The following MBOAT2 variants were observed in gnomAD, a reference collection of about 807,000 sequenced individuals.
MBOAT2 encodes membrane bound glycerophospholipid O-acyltransferase 2.
MBOAT2 carries 28 observed loss-of-function variants against 63.4 expected under a neutral mutation model. That is an observed-to-expected ratio of 0.44 (90% CI 0.33 to 0.61). The LOEUF is 0.61. Ranked by LOEUF, MBOAT2 falls within the 20% of genes least tolerant of loss-of-function variation. The pLI, the probability that MBOAT2 is intolerant of heterozygous loss-of-function variation, is 0.03. For missense variants in MBOAT2, 470 were observed against 605.8 expected (o/e 0.78, Z 2.35); for synonymous variants, 211 against 215.6 (o/e 0.98, Z 0.19).
intron 12 of MBOAT2, among the ~76,000 whole-genome samples, chr2:8,860,388 T>C (rs1397421605): frequency 2.0e-5 from 3 of 152,208 alleles, no homozygotes; most frequent in Admixed American, 6.5e-5. Context: ...GTTACCTGGC[T>C]GATATTTCTC....
chr2:8,937,522 A>T (rs576018650), intron 3 of MBOAT2, among the ~76,000 whole-genome samples: 40 of 152,354 alleles, frequency 2.6e-4, no homozygotes, highest in African/African-American at 9.6e-4. Flanking sequence ...GGAAAGGAAC[A>T]CAATTCCACA....
intron 1 of MBOAT2, among the ~76,000 whole-genome samples, chr2:8,998,918 C>T (rs1046138130): frequency 1.3e-5 from 2 of 152,146 alleles, no homozygotes; most frequent in Non-Finnish European, 2.9e-5. Flanking sequence ...CACACACACC[C>T]GTGAAGCTAA....
At chr2:8,972,944 T>C (rs1360866844) in intron 1 of MBOAT2, among the ~76,000 whole-genome samples, 1 of 152,186 alleles carries the variant, frequency 6.6e-6, no homozygotes, top group African/African-American at 2.4e-5. Context: ...GTTCAACCAT[T>C]GTGGAAGACA....
chr2:8,947,637 C>T (rs1262403623), intron 2 of MBOAT2, among the ~76,000 whole-genome samples: 1 of 152,168 alleles, frequency 6.6e-6, no homozygotes, highest in African/African-American at 2.4e-5. Flanking sequence ...ATCGATTCTG[C>T]CTGTACTCTG....
rs144793154 is a variant in MBOAT2, at chr2:8,932,551, C to A, written c.299+10636G>T. ...GTTTCTCCAACTTAAATAAAAAATT[C>A]TTTACAAGAATCTCACTAAATAAAG... On this transcript the variant is annotated intron_variant, in intron 3 of 12. Transcript: ENST00000305997. 3.6e-3 allele frequency among the ~76,000 whole-genome samples: 546 copies of A among 152,198 alleles called. 8 individuals carry two copies. The highest frequency in any genetic ancestry group is 0.02 in the South Asian group (97 of 4,828).
At chr2:8,927,122 T>C (rs2103189767) in intron 3 of MBOAT2, among the ~76,000 whole-genome samples, 2 of 152,146 alleles carry the variant, frequency 1.3e-5, no homozygotes, top group East Asian at 3.9e-4. Flanking sequence ...TGGTGTTAGG[T>C]ATGCTGGGGT....
At position 9,003,434 on chromosome 2, in the gene MBOAT2, G is replaced by T; in HGVS notation, c.75+106C>A. On this transcript the variant is annotated intron_variant, in intron 1 of 12. Coordinates refer to ENST00000305997, the MANE Select transcript of MBOAT2 (RefSeq NM_138799.4). The surrounding 1 kb of genome is among the most constrained non-coding windows in gnomAD (Gnocchi z 5.4). Reference sequence around the variant, plus strand: ...AGCGGCGGGTAGGGGGGCACCGGGCGCCCGGCCCCAGCCCCCACCCTCCTC... The same window carrying T: ...AGCGGCGGGTAGGGGGGCACCGGGCTCCCGGCCCCAGCCCCCACCCTCCTC... 1 of 643,186 alleles carries T rather than the reference G, an allele frequency of 1.6e-6. No individual in the cohort carries two copies. The highest frequency in any genetic ancestry group is 2.1e-6 in the Non-Finnish European group (1 of 481,188). 39.8% of individuals were successfully genotyped at this position (643,186 alleles called of 1,614,324 possible).
intron 3 of MBOAT2, among the ~76,000 whole-genome samples, chr2:8,917,587 ACTGCTGG>A (rs1666275073): frequency 6.6e-6 from 1 of 152,218 alleles, no homozygotes; most frequent in African/African-American, 2.4e-5. Flanking sequence ...GAGAACACCA[ACTGCTGG>A]TGGGAACAGA....
At chr2:8,902,445 C>A (rs769623287) in intron 4 of MBOAT2, among the ~76,000 whole-genome samples, 4 of 152,104 alleles carry the variant, frequency 2.6e-5, no homozygotes, top group Middle Eastern at 3.2e-3. Flanking sequence ...ATGGTGTGTC[C>A]GGAGTTTGTT....
intron 2 of MBOAT2, among the ~76,000 whole-genome samples, chr2:8,949,273 A>G (rs1448432081): frequency 6.6e-6 from 1 of 152,122 alleles, no homozygotes; most frequent in African/African-American, 2.4e-5. Context: ...ATTTTCTCCC[A>G]TTCTGTAGGT....
rs1356212852 is a variant in MBOAT2, at chr2:8,854,436, C to G, written c.*4243G>C. 1 of 152,152 alleles carries G rather than the reference C, an allele frequency of 6.6e-6. No homozygotes were observed. The highest frequency in any genetic ancestry group is 2.4e-5 in the African/African-American group (1 of 41,434). The allele number at this position is 152,152 out of a possible 1,614,324, so 9.4% of individuals were successfully genotyped here. On this transcript the variant is annotated 3_prime_UTR_variant, in exon 13 of 13. Transcript: ENST00000305997. ...CACAGTGTTATTTAGGATTCTGCAC[C>G]TATATTAAATTTCAGCCAGGAAGAA...
rs1179152629 is a variant in MBOAT2 at position 8,931,034 on chromosome 2, G to A, written c.299+12153C>T. Among the ~76,000 whole-genome samples, 4 of 151,768 alleles carry A rather than the reference G, an allele frequency of 2.6e-5. No homozygotes were observed. The East Asian group carries it at 7.9e-4, about 30-fold the overall frequency. ...ACACCAAATCTTTGGCGTGGCTAAG[G>A]CAAGAACCTCTGGCATTACAGGATT... On this transcript the variant is annotated intron_variant, in intron 3 of 12. Coordinates refer to ENST00000305997, the MANE Select transcript of MBOAT2 (RefSeq NM_138799.4).
intron 1 of MBOAT2, among the ~76,000 whole-genome samples, chr2:8,966,063 G>A (rs1669955956): frequency 6.6e-6 from 1 of 152,052 alleles, no homozygotes; most frequent in South Asian, 2.1e-4. Flanking sequence ...TTCTTAACCA[G>A]TCCCTCCCAA....
chr2:8,905,765 T>G (rs1289415871), intron 4 of MBOAT2, among the ~76,000 whole-genome samples: 1 of 152,222 alleles, frequency 6.6e-6, no homozygotes, highest in Non-Finnish European at 1.5e-5. Flanking sequence ...GTAACAAACC[T>G]GCACGTTGTG....
chr2:8,990,912 T>C (rs1362319610), intron 1 of MBOAT2, among the ~76,000 whole-genome samples: 1 of 152,172 alleles, frequency 6.6e-6, no homozygotes, highest in Non-Finnish European at 1.5e-5. Context: ...AATTATAAGC[T>C]TATACTAAGG....
chr2:8,889,950 C>T (rs959984911), intron 4 of MBOAT2, among the ~76,000 whole-genome samples: 8 of 151,952 alleles, frequency 5.3e-5, no homozygotes, highest in African/African-American at 1.9e-4. Flanking sequence ...GCTGGGAGGA[C>T]GGGTGACATG....
chr2:8,882,068 CTTTATTA>C (rs746642916), intron 6 of MBOAT2, among the ~76,000 whole-genome samples: 2 of 152,094 alleles, frequency 1.3e-5, no homozygotes, highest in Non-Finnish European at 2.9e-5. Context: ...CTGACTGGTT[CTTTATTA>C]TTTCAAAATA....
In MBOAT2 at chr2:8,858,622, C is replaced by T; in HGVS notation, c.*57G>A. 1 of 1,323,870 alleles carries T rather than the reference C, an allele frequency of 7.6e-7. No individual in the cohort carries two copies. 82.0% of individuals were successfully genotyped at this position (1,323,870 alleles called of 1,614,324 possible). A position where few individuals can be genotyped will look rare whatever the true frequency, so the allele number is the denominator to read the frequency against. On this transcript the variant is annotated 3_prime_UTR_variant, in exon 13 of 13. Transcript: ENST00000305997. ...CAAACTCAAACCCCTTGAAAAGGTG[C>T]TAAGATTGGTTTCTGTTAACATCAA...
intron 1 of MBOAT2, among the ~76,000 whole-genome samples, chr2:8,981,387 T>C (rs1469709157): frequency 2.6e-5 from 4 of 152,182 alleles, no homozygotes; most frequent in African/African-American, 9.7e-5. Context: ...ATAATAATTA[T>C]AGCTTTCAGC....
Sources: gnomAD v4.1 joint callset for allele counts (sites outside exome capture counted in the v4.1 genomes callset) on GRCh38, gnomAD v4.1.1 for gene constraint, Gnocchi (gnomAD v3.1) non-coding constraint, MANE v1.5 for transcripts, NCBI Gene and HGNC (gene_info 2026-07-23, HGNC 2026-07-21) for gene names.